Variants in PCSK5 observed in about 807,000 individuals in gnomAD.
PCSK5 encodes the protein proprotein convertase subtilisin/kexin type 5.
In PCSK5, 129 loss-of-function variants were observed where a neutral mutation model predicts 233.2. The observed-to-expected ratio is 0.55, with a 90% confidence interval of 0.48 to 0.64. The LOEUF is 0.64. Among genes scored for constraint, PCSK5 ranks in the 30% least tolerant of loss-of-function variants. PCSK5 has a pLI of 0.00. For missense variants in PCSK5, 2,076 were observed against 2,430.1 expected (o/e 0.85, Z 3.06); for synonymous variants, 825 against 879.2 (o/e 0.94, Z 1.09).
intron 17 of PCSK5, 66 bp downstream of exon 17, chr9:76,184,823 AAAAAT>A (rs747820360): frequency 1.7e-4 from 167 of 957,558 alleles, no homozygotes; most frequent in Non-Finnish European, 2.6e-4. Flanking sequence ...AATAAAATGA[AAAAAT>A]GATAAACAAG....
chr9:76,292,782 C>T (rs1014874446), intron 25 of PCSK5, among the ~76,000 whole-genome samples: 1 of 152,138 alleles, frequency 6.6e-6, no homozygotes, highest in Non-Finnish European at 1.5e-5. Context: ...TCAAAAATGG[C>T]ATGTTTCAAT....
At chr9:76,358,234 G>A (rs764399638) in intron 37 of PCSK5, among the ~76,000 whole-genome samples, 3 of 152,036 alleles carry the variant, frequency 2.0e-5, no homozygotes, top group Admixed American at 6.6e-5. Flanking sequence ...GGCCGGGTGC[G>A]GTGGCTCACG....
intron 2 of PCSK5, among the ~76,000 whole-genome samples, chr9:75,975,532 A>G (rs1825980104): frequency 6.6e-6 from 1 of 152,066 alleles, no homozygotes; most frequent in South Asian, 2.1e-4. Flanking sequence ...GAATTGAACA[A>G]TTTCTCTACT....
At chr9:76,062,944 T>A (rs1587571514) in intron 5 of PCSK5, among the ~76,000 whole-genome samples, 1 of 152,060 alleles carries the variant, frequency 6.6e-6, no homozygotes, top group South Asian at 2.1e-4. Flanking sequence ...TGCCTCCTCA[T>A]CCCCCACACA....
At chr9:75,980,339 C>T (rs1373558225) in intron 2 of PCSK5, among the ~76,000 whole-genome samples, 3 of 152,080 alleles carry the variant, frequency 2.0e-5, no homozygotes, top group African/African-American at 7.2e-5. Context: ...TCAGTTTGGC[C>T]TATATTTTCT....
intron 20 of PCSK5, among the ~76,000 whole-genome samples, chr9:76,215,854 G>C (rs1285051770): frequency 2.0e-5 from 3 of 152,098 alleles, no homozygotes; most frequent in Non-Finnish European, 4.4e-5. Flanking sequence ...CAGGAGAATT[G>C]CTTGAACCTG....
At position 75,973,542 on chromosome 9, in the gene PCSK5, T is replaced by G. The variant is rs191368666; in HGVS notation, c.298-12590T>G. Reference sequence around the variant, plus strand: ...CTGGGCAAGGCACTAGCATAGCCACTGTGGGGACTAGAGAAACTTGGAGAC... The same window carrying G: ...CTGGGCAAGGCACTAGCATAGCCACGGTGGGGACTAGAGAAACTTGGAGAC... On this transcript the variant is annotated intron_variant, in intron 2 of 37. Transcript: ENST00000674117. Among the ~76,000 whole-genome samples the G allele has an allele frequency of 6.8e-3, 1,043 of 152,294 alleles. 10 individuals are homozygous for G. Among genetic ancestry groups the G allele is most frequent in the African/African-American group, 0.024 (1,000 of 41,566 alleles).
intron 2 of PCSK5, among the ~76,000 whole-genome samples, chr9:75,957,318 G>A (rs1351804321): frequency 4.6e-5 from 7 of 152,124 alleles, no homozygotes; most frequent in East Asian, 1.9e-4. Flanking sequence ...GTGGTCTAGC[G>A]TGCCTTAGTT....
At chr9:76,235,931 A>G (rs995241544) in intron 22 of PCSK5, among the ~76,000 whole-genome samples, 1 of 152,226 alleles carries the variant, frequency 6.6e-6, no homozygotes. Flanking sequence ...GCTTTAATAA[A>G]AGGCTAAAAA....
Position 76,295,314 on chromosome 9 carries a change from C to T in PCSK5, c.3225C>T (p.Thr1075=). ...HHCYKTCPEK[T]YSEEVECKAC... ...GTTATAAAACCTGTCCTGAGAAGAC[C>T]TACAGTGAGGAAGTGGAATGCAAGG... is the stretch of plus-strand genomic sequence containing the variant. Residue 1075 remains threonine, a synonymous_variant, in exon 26 of 38, where the codon ACC becomes ACT. Transcript: ENST00000674117. 20 of 1,611,638 alleles carry T rather than the reference C, an allele frequency of 1.2e-5. No homozygotes were observed. The highest frequency in any genetic ancestry group is 1.7e-5 in the Non-Finnish European group (20 of 1,178,960).
intron 5 of PCSK5, among the ~76,000 whole-genome samples, chr9:76,043,811 A>G (rs758311999): frequency 1.3e-4 from 20 of 152,260 alleles, no homozygotes; most frequent in Non-Finnish European, 2.8e-4. Flanking sequence ...GGCTCAAGCA[A>G]TCCACCGGTC....
chr9:76,190,008 G>A (rs973808485), intron 20 of PCSK5, among the ~76,000 whole-genome samples: 1 of 152,048 alleles, frequency 6.6e-6, no homozygotes, highest in South Asian at 2.1e-4. Context: ...TTTTTTGAGA[G>A]CAGTTTTAGA....
At chr9:76,108,708 G>A (rs748302833) in intron 9 of PCSK5, among the ~76,000 whole-genome samples, 20 of 152,102 alleles carry the variant, frequency 1.3e-4, no homozygotes, top group African/African-American at 4.3e-4. Flanking sequence ...AGCCGAGATC[G>A]CCCCACTGCA....
intron 4 of PCSK5, among the ~76,000 whole-genome samples, chr9:76,026,100 C>CTGTT (rs1828414230): frequency 6.6e-6 from 1 of 152,104 alleles, no homozygotes; most frequent in African/African-American, 2.4e-5. Context: ...GAGGAAGACC[C>CTGTT]TGTTTCAATT....
At chr9:76,278,635 A>G (rs556955102) in intron 24 of PCSK5, among the ~76,000 whole-genome samples, 44 of 152,306 alleles carry the variant, frequency 2.9e-4, no homozygotes, top group African/African-American at 1.1e-3. Flanking sequence ...ATTAATATTA[A>G]TATTTTAGCT....
chr9:76,345,838 G>A (rs1316892786), intron 35 of PCSK5, among the ~76,000 whole-genome samples: 1 of 152,082 alleles, frequency 6.6e-6, no homozygotes, highest in Non-Finnish European at 1.5e-5. Context: ...TCCTGTCTCA[G>A]CCTCCCGAGT....
intron 2 of PCSK5, among the ~76,000 whole-genome samples, chr9:75,978,455 T>C: frequency 6.6e-6 from 1 of 152,212 alleles, no homozygotes; most frequent in South Asian, 2.1e-4. Context: ...CAAGAAGTTA[T>C]GTGATTTGCC....
intron 10 of PCSK5, among the ~76,000 whole-genome samples, chr9:76,135,127 G>A (rs142083220): frequency 1.4e-3 from 217 of 152,126 alleles, no homozygotes; most frequent in Non-Finnish European, 2.2e-3. Context: ...TGGTCAGACC[G>A]TTGGTAACAT....
chr9:76,084,992 A>G (rs1831005661), intron 7 of PCSK5, among the ~76,000 whole-genome samples: 1 of 152,224 alleles, frequency 6.6e-6, no homozygotes, highest in African/African-American at 2.4e-5. Flanking sequence ...TGAGGTGGGC[A>G]TGGGCATGAG....
Sources: gnomAD v4.1 joint callset for allele counts (sites outside exome capture counted in the v4.1 genomes callset) on GRCh38, gnomAD v4.1.1 for gene constraint, MANE v1.5 for transcripts, NCBI Gene and HGNC (gene_info 2026-07-23, HGNC 2026-07-21) for gene names.